SEM1: variants seen among roughly 807,000 people sequenced by gnomAD.
The protein encoded by SEM1 is 26S proteasome complex subunit SEM1.
SEM1 carries 3 observed loss-of-function variants against 12.7 expected under a neutral mutation model. That is an observed-to-expected ratio of 0.24 (90% CI 0.11 to 0.61). The LOEUF (loss-of-function observed/expected upper bound fraction) is 0.61. Among genes scored for constraint, SEM1 ranks in the 20% least tolerant of loss-of-function variants. The probability of loss-of-function intolerance (pLI) is 0.88; values close to 1 mark genes in which losing one functional copy is unlikely to be tolerated. For synonymous variants in SEM1, 30 were observed against 27.8 expected (o/e 1.08, Z -0.25); for missense variants, 59 against 81.3 (o/e 0.73, Z 1.06).
At chr7:96,532,602 G>C (rs1804674028) in intron 2 of SEM1, among the ~76,000 whole-genome samples, 1 of 152,080 alleles carries the variant, frequency 6.6e-6, no homozygotes, top group Non-Finnish European at 1.5e-5. Flanking sequence ...AGATCTTCCT[G>C]TTGTAGTTCT....
chr7:96,501,654 G>A (rs1803555575), intron 3 of SEM1, among the ~76,000 whole-genome samples: 1 of 152,110 alleles, frequency 6.6e-6, no homozygotes, highest in Non-Finnish European at 1.5e-5. Context: ...GTACATAATA[G>A]CTCAGTAAAC....
intron 2 of SEM1, among the ~76,000 whole-genome samples, chr7:96,624,335 T>C (rs1034381103): frequency 6.6e-6 from 1 of 152,162 alleles, no homozygotes; most frequent in African/African-American, 2.4e-5. Context: ...GTGCTTAGGA[T>C]TTTCATACCA....
intron 1 of SEM1, chr7:96,496,251 C>T (rs1347127905): frequency 1.4e-6 from 2 of 1,402,482 alleles, no homozygotes; most frequent in East Asian, 5.0e-5. Context: ...TTAATAAAAG[C>T]CACATATTGA....
In SEM1 at chr7:96,709,673, G is replaced by A. The variant is rs375847471; in HGVS notation, c.76+15C>T. The A allele has an allele frequency of 4.3e-6, 7 of 1,612,280 alleles. No individual in the cohort carries two copies. The highest frequency in any genetic ancestry group is 1.1e-5 in the South Asian group (1 of 91,014). Reference sequence around the variant, plus strand: ...CACCGTTCGCGCGACACAGAAACCGGGGCCCAGCGGTTACCTTCGGCAGGG... The same window carrying A: ...CACCGTTCGCGCGACACAGAAACCGAGGCCCAGCGGTTACCTTCGGCAGGG... On this transcript the variant is annotated intron_variant, in intron 1 of 2. Coordinates refer to ENST00000248566, the MANE Select transcript of SEM1 (RefSeq NM_006304.2).
intron 2 of SEM1, among the ~76,000 whole-genome samples, chr7:96,542,227 C>T (rs1804979546): frequency 6.6e-6 from 1 of 151,718 alleles, no homozygotes; most frequent in African/African-American, 2.4e-5. Flanking sequence ...TTCTTCCAGT[C>T]TATGAGCATG....
chr7:96,585,691 C>A lies in SEM1; in HGVS notation c.171-78993G>T, dbSNP rs191482179. Among the ~76,000 whole-genome samples, 308 of 152,260 alleles carry A rather than the reference C, an allele frequency of 2.0e-3. 1 individual carries two copies. The highest frequency in any genetic ancestry group is 7.3e-3 in the African/African-American group (303 of 41,558). On this transcript the variant is annotated intron_variant and NMD_transcript_variant, in intron 2 of 3. Transcript: ENST00000466986. ...CTGATGCGCTGTTTTTTAAGCCCGT[C>A]GGAAAAGTGCAGTATTCGGGTGGGA... is the stretch of plus-strand genomic sequence containing the variant.
At chr7:96,622,612 C>T (rs1291545614) in exon 3 of SEM1, 1 of 764,676 alleles carries the variant, frequency 1.3e-6, no homozygotes, top group East Asian at 2.4e-5. Context: ...GGCAATTCTC[C>T]CCGCTATTCC....
intron 2 of SEM1, among the ~76,000 whole-genome samples, chr7:96,632,340 G>C (rs866657974): frequency 3.9e-5 from 6 of 152,180 alleles, no homozygotes; most frequent in African/African-American, 1.4e-4. Context: ...TAAAGAAAAT[G>C]TGGCACATAT....
At chr7:96,535,145 C>CA (rs908078538) in intron 2 of SEM1, among the ~76,000 whole-genome samples, 2 of 151,834 alleles carry the variant, frequency 1.3e-5, no homozygotes, top group African/African-American at 2.4e-5. Context: ...GCATGTATGG[C>CA]AAAAAATAGA....
intron 2 of SEM1, among the ~76,000 whole-genome samples, chr7:96,512,985 C>T (rs1803979001): frequency 6.6e-6 from 1 of 152,080 alleles, no homozygotes; most frequent in Non-Finnish European, 1.5e-5. Context: ...ACTGCCCCTC[C>T]CATATACTGA....
intron 1 of SEM1, among the ~76,000 whole-genome samples, chr7:96,488,523 A>G (rs1802861079): frequency 6.6e-6 from 1 of 152,186 alleles, no homozygotes; most frequent in Admixed American, 6.5e-5. Flanking sequence ...ATATGTGACT[A>G]CAATGCAAGC....
intron 1 of SEM1, among the ~76,000 whole-genome samples, chr7:96,705,603 G>A (rs961653722): frequency 1.3e-5 from 2 of 151,988 alleles, no homozygotes; most frequent in African/African-American, 4.8e-5. Flanking sequence ...CGAGGCGGGC[G>A]GATCACCAGG....
chr7:96,541,871 GT>G (rs1804966218), intron 2 of SEM1, among the ~76,000 whole-genome samples: 1 of 147,654 alleles, frequency 6.8e-6, no homozygotes, highest in Non-Finnish European at 1.5e-5. Flanking sequence ...TGCCAATTTT[GT>G]TGAAAATCAA....
At chr7:96,518,964 A>G (rs1804184025) in intron 2 of SEM1, among the ~76,000 whole-genome samples, 1 of 152,182 alleles carries the variant, frequency 6.6e-6, no homozygotes, top group South Asian at 2.1e-4. Flanking sequence ...ACTTTAACCC[A>G]GTGATATCTA....
At chr7:96,520,552 A>G (rs1341305399) in intron 2 of SEM1, among the ~76,000 whole-genome samples, 1 of 152,036 alleles carries the variant, frequency 6.6e-6, no homozygotes, top group African/African-American at 2.4e-5. Flanking sequence ...AGTAACCTCA[A>G]TCCTGGTGGG....
intron 2 of SEM1, among the ~76,000 whole-genome samples, chr7:96,641,241 T>A (rs1325835652): frequency 6.6e-6 from 1 of 151,942 alleles, no homozygotes; most frequent in Non-Finnish European, 1.5e-5. Context: ...ATTTATTCTC[T>A]CTTTTCTTTG....
At chr7:96,540,267 T>C (rs1316107001) in intron 2 of SEM1, among the ~76,000 whole-genome samples, 1 of 151,568 alleles carries the variant, frequency 6.6e-6, no homozygotes. Flanking sequence ...TTGAGAAAAT[T>C]GGATATTTAG....
At chr7:96,688,379 T>G (rs980093903), downstream of SEM1, 6 of 152,258 alleles carry the variant, frequency 3.9e-5, no homozygotes, top group African/African-American at 1.4e-4. Context: ...ATATTATTAA[T>G]GGCTCAGGAA....
chr7:96,588,051 GC>G (rs1349962250), intron 2 of SEM1, among the ~76,000 whole-genome samples: 2 of 152,110 alleles, frequency 1.3e-5, no homozygotes, highest in African/African-American at 4.8e-5. Context: ...AGTTTTCATT[GC>G]CTTACACCTC....
Sources: allele counts gnomAD v4.1 joint callset (sites outside exome capture counted in the v4.1 genomes callset), GRCh38; gene constraint gnomAD v4.1.1; transcripts MANE v1.5; gene names NCBI Gene and HGNC (gene_info 2026-07-23, HGNC 2026-07-21).